Variants in RBFA observed in about 807,000 individuals in gnomAD.
RBFA encodes ribosome binding factor A, also known as putative ribosome-binding factor A, mitochondrial.
In RBFA, 16 loss-of-function variants were observed where a neutral mutation model predicts 27.9. The observed-to-expected ratio is 0.57, with a 90% CI of 0.39 to 0.87. The LOEUF is 0.87. Among genes scored for constraint, RBFA ranks in the 40% least tolerant of loss-of-function variants. The pLI, the probability that RBFA is intolerant of heterozygous loss-of-function variation, is 0.00. For synonymous variants in RBFA, 181 were observed against 181.0 expected, an observed-to-expected ratio of 1.00 and a Z score of 0.00; for missense variants, 456 against 432.1, an observed-to-expected ratio of 1.06 and a Z score of -0.49.
chr18:80,050,359 A>G lies in RBFA; in HGVS notation c.*4204A>G, dbSNP rs1412131672. Among the ~76,000 whole-genome samples the G allele has an allele frequency of 4.6e-5, 7 of 152,200 alleles. No individual in the cohort carries two copies. The highest frequency in any genetic ancestry group is 7.3e-5 in the Non-Finnish European group (5 of 68,040). On this transcript the variant is annotated 3_prime_UTR_variant, in exon 7 of 7. Transcript: ENST00000306735. ...AAATTTTTTATTTTTATTTTTAATT[A>G]TCATGGGCACAGAGTAGGTGTATAT...
At chr18:80,045,251 G>C (rs1443024147) in intron 6 of RBFA, among the ~76,000 whole-genome samples, 2 of 138,672 alleles carry the variant, frequency 1.4e-5, no homozygotes, top group African/African-American at 5.4e-5. Flanking sequence ...TTTTGAGGCA[G>C]AGTCTCACTC....
In RBFA at chr18:80,037,505, A is replaced by C; in HGVS notation, c.377A>C (p.Lys126Thr). The C allele has an allele frequency of 6.2e-7, 1 of 1,600,180 alleles. No individual in the cohort carries two copies. The highest frequency in any genetic ancestry group is 8.6e-7 in the Non-Finnish European group (1 of 1,168,926). The change falls in exon 3 of 7, where the codon AAG becomes ACG. Residue 126 changes from lysine to threonine, a missense_variant and splice_region_variant. Coordinates refer to ENST00000306735, the MANE Select transcript of RBFA (RefSeq NM_024805.3). The part of the protein sequence containing the change: ...ELYDLNVELS[K>T]VSLTPDFSAC... ...TATGACCTTAACGTGGAGCTCTCCA[A>C]GGTAGGCTGTGTGGCCAAAGAGAAG...
chr18:80,041,947 C>T (rs568203716), intron 4 of RBFA, 188 bp from the exon 5 acceptor site: 10 of 262,434 alleles, frequency 3.8e-5, no homozygotes, highest in African/African-American at 1.3e-4. Flanking sequence ...AGGATGGTCT[C>T]GATCTCCTGA....
At position 80,046,581 on chromosome 18, in the gene RBFA, G is replaced by A. The variant is rs1240263374; in HGVS notation, c.*426G>A. On this transcript the variant is annotated 3_prime_UTR_variant, in exon 7 of 7. Coordinates refer to ENST00000306735, the MANE Select transcript of RBFA (RefSeq NM_024805.3). ...TCCCAACCCCCTGGAGCTGGGCTCC[G>A]TCCCTGGGGCTGCTGGGCTGGCACG... Among the ~76,000 whole-genome samples the A allele has an allele frequency of 1.3e-5, 2 of 152,116 alleles. No individual in the cohort carries two copies. Among genetic ancestry groups the A allele is most frequent in the African/African-American group, 4.8e-5 (2 of 41,416 alleles).
intron 4 of RBFA, among the ~76,000 whole-genome samples, chr18:80,039,547 C>T (rs1439584408): frequency 6.6e-6 from 1 of 152,136 alleles, no homozygotes; most frequent in Non-Finnish European, 1.5e-5. Context: ...GTGAACCTAC[C>T]ACTCCGGAGC....
intron 4 of RBFA, 56 bp from the exon 5 acceptor site, chr18:80,042,079 C>A (rs2052020099): frequency 2.2e-6 from 3 of 1,338,910 alleles, no homozygotes; most frequent in Non-Finnish European, 2.1e-6. Context: ...CACTGTCACG[C>A]CTCTCCACTG....
In RBFA at chr18:80,034,469, G is replaced by A; in HGVS notation, c.-27G>A. On this transcript the variant is annotated 5_prime_UTR_variant, in exon 1 of 7. Transcript: ENST00000306735. ...CCGCGCCTGCGCCCGTTGTCTCCCT[G>A]CTCGCTCCGGGTCCCGGCGCCGCGC... 2 of 1,488,424 alleles carry A rather than the reference G, an allele frequency of 1.3e-6. No individual in the cohort carries two copies. The highest frequency in any genetic ancestry group is 3.0e-5 in the African/African-American group (2 of 67,518). The allele number at this position is 1,488,424 out of a possible 1,614,324, so 92.2% of individuals were successfully genotyped here. A position where few individuals can be genotyped will look rare whatever the true frequency, so the allele number is the denominator to read the frequency against.
chr18:80,047,615 C>G lies in RBFA; in HGVS notation c.*1460C>G, dbSNP rs2052065094. Among the ~76,000 whole-genome samples, 1 of 152,140 alleles carries G rather than the reference C, an allele frequency of 6.6e-6. No individual in the cohort carries two copies. Among genetic ancestry groups the G allele is most frequent in the African/African-American group, 2.4e-5 (1 of 41,418 alleles). Reference sequence around the variant, plus strand: ...TATCAGGATGGGGAGGCCACTACCTCAGGCCAGTTAAACTAAGAAGAAAGA... The same window carrying G: ...TATCAGGATGGGGAGGCCACTACCTGAGGCCAGTTAAACTAAGAAGAAAGA... On this transcript the variant is annotated 3_prime_UTR_variant, in exon 7 of 7. Transcript: ENST00000306735.
chr18:80,038,444 G>T, intron 3 of RBFA, 61 bp from the exon 4 acceptor site: 1 of 1,165,836 alleles, frequency 8.6e-7, no homozygotes, highest in South Asian at 1.3e-5. Context: ...TCTCCTGGAT[G>T]TTGTTTGTCT....
rs1233949042 is a variant in RBFA, at chr18:80,037,414, C to G, written c.286C>G (p.Leu96Val). 1 of 1,614,122 alleles carries G rather than the reference C, an allele frequency of 6.2e-7. No individual in the cohort carries two copies. The highest frequency in any genetic ancestry group is 8.5e-7 in the Non-Finnish European group (1 of 1,180,010). Residue 96 changes from leucine to valine, a missense_variant, in exon 3 of 7, where the codon CTG becomes GTG. Coordinates refer to ENST00000306735, the MANE Select transcript of RBFA (RefSeq NM_024805.3). Reference protein sequence around the residue: ...RKEDHARLRALNGLLYKALTD... With the variant: ...RKEDHARLRAVNGLLYKALTD... ...GGAAGACCATGCGCGCCTGAGGGCC[C>G]TGAACGGCCTCCTCTATAAGGCACT...
chr18:80,039,809 G>A (rs901168416), intron 4 of RBFA, among the ~76,000 whole-genome samples: 2 of 152,222 alleles, frequency 1.3e-5, no homozygotes, highest in African/African-American at 4.8e-5. Flanking sequence ...AAAACCATAC[G>A]CTGAGAGATC....
rs900183174 is a variant in RBFA at position 80,046,702 on chromosome 18, C to T, written c.*547C>T. Among the ~76,000 whole-genome samples, 25 of 152,364 alleles carry T rather than the reference C, an allele frequency of 1.6e-4. No homozygotes were observed. Among genetic ancestry groups the T allele is most frequent in the Middle Eastern group, 6.8e-3 (2 of 294 alleles). ...CCTCTTCACAGCTTTGTGCAGCAGGCTCCACCTTCTGGTTCAGGCCAAGGT... is the reference window on the plus strand; with the variant it reads ...CCTCTTCACAGCTTTGTGCAGCAGGTTCCACCTTCTGGTTCAGGCCAAGGT... On this transcript the variant is annotated 3_prime_UTR_variant, in exon 7 of 7. Transcript: ENST00000306735.
At chr18:80,035,949 C>A (rs1332898792) in intron 1 of RBFA, 1 of 152,188 alleles carries the variant, frequency 6.6e-6, no homozygotes, top group African/African-American at 2.4e-5. Context: ...TCTGGCACTA[C>A]AAGATACTCC....
In RBFA at chr18:80,038,535, C is replaced by G. The variant is rs200502345; in HGVS notation, c.409C>G (p.Arg137Gly). ...CCTGACTCCAGACTTCTCAGCCTGC[C>G]GAGCGTACTGGAAGACAACGCTCTC... is the stretch of plus-strand genomic sequence containing the variant. ...VSLTPDFSAC[R>G]AYWKTTLSAE... The change falls in exon 4 of 7, where the codon CGA becomes GGA. Residue 137 changes from arginine to glycine, a missense_variant. Transcript: ENST00000306735. The G allele has an allele frequency of 1.9e-6, 3 of 1,613,658 alleles. No homozygotes were observed. The highest frequency in any genetic ancestry group is 1.7e-5 in the Admixed American group (1 of 59,990).
At position 80,042,187 on chromosome 18, in the gene RBFA, G is replaced by A; in HGVS notation, c.544G>A (p.Val182Ile). Reference protein sequence around the residue: ...TLRNVPPIVFVQDKGNAALAE... With the variant: ...TLRNVPPIVFIQDKGNAALAE... ...GAGGAATGTGCCACCGATAGTGTTT[G>A]TTCAAGACAAGGGAAATGCAGCTCT... is the stretch of plus-strand genomic sequence containing the variant. The change falls in exon 5 of 7, where the codon GTT becomes ATT. Residue 182 changes from valine (V) to isoleucine (I), a missense_variant. Transcript: ENST00000306735. 1.2e-6 allele frequency: 2 copies of A among 1,610,330 alleles called. No individual in the cohort carries two copies. Among genetic ancestry groups the A allele is most frequent in the Non-Finnish European group, 1.7e-6 (2 of 1,177,708 alleles).
chr18:80,038,275 G>C (rs1354709695), intron 3 of RBFA, among the ~76,000 whole-genome samples: 14 of 152,194 alleles, frequency 9.2e-5, no homozygotes, highest in Non-Finnish European at 1.5e-5. Flanking sequence ...CTGCAAACCA[G>C]GTGGTTTGGT....
At chr18:80,037,602 G>T in intron 3 of RBFA, 96 bp downstream of exon 3, 4 of 1,192,362 alleles carry the variant, frequency 3.4e-6, no homozygotes, top group Non-Finnish European at 4.7e-6. Context: ...AAAAAAAGAC[G>T]CTTTAGACTG....
intron 5 of RBFA, 79 bp from the exon 6 acceptor site, chr18:80,044,133 C>T: frequency 1.7e-6 from 2 of 1,154,864 alleles, no homozygotes; most frequent in Non-Finnish European, 2.6e-6. Flanking sequence ...GTCAACAATG[C>T]TGGTGTTACG....
chr18:80,038,793 T>C (rs1344346818), intron 4 of RBFA, among the ~76,000 whole-genome samples, 176 bp downstream of exon 4: 1 of 152,246 alleles, frequency 6.6e-6, no homozygotes, highest in African/African-American at 2.4e-5. Context: ...TAAGCTATAA[T>C]GTAGGTTAGC....
Sources: allele counts gnomAD v4.1 joint callset (sites outside exome capture counted in the v4.1 genomes callset), GRCh38; gene constraint gnomAD v4.1.1; transcripts MANE v1.5; gene names NCBI Gene and HGNC (gene_info 2026-07-23, HGNC 2026-07-21).